Variants in ANKRD55 observed in about 807,000 individuals in gnomAD.
ANKRD55 encodes the protein ankyrin repeat domain-containing protein 55.
A neutral mutation model predicts 60.6 loss-of-function variants in ANKRD55; 41 were observed. The ratio of observed to expected loss-of-function variants is 0.68; its 90% confidence interval spans 0.53 to 0.88. ANKRD55 has a LOEUF of 0.88. ANKRD55 is among the 40% of genes least tolerant of loss of function. The probability of loss-of-function intolerance (pLI) is 0.00; values close to 1 mark genes in which losing one functional copy is unlikely to be tolerated. For synonymous variants in ANKRD55, 264 were observed against 290.3 expected, an observed-to-expected ratio of 0.91 and a Z score of 0.92; for missense variants, 732 against 767.6, an observed-to-expected ratio of 0.95 and a Z score of 0.55.
intron 10 of ANKRD55, 46 bp downstream of exon 10, chr5:56,111,072 C>A (rs766064759): frequency 1.3e-6 from 2 of 1,574,314 alleles, no homozygotes; most frequent in Non-Finnish European, 1.7e-6. Flanking sequence ...CGGGACATTT[C>A]CAGTATAGAG....
chr5:56,111,758 G>C lies in ANKRD55; in HGVS notation c.990C>G (p.Pro330=). Residue 330 remains proline, a synonymous_variant, in exon 10 of 12, where the codon CCC becomes CCG. Transcript: ENST00000341048. The part of the protein sequence containing the change: ...ESRTEPTRPP[P]SQSSRPQKKE... Reference sequence around the variant, plus strand: ...TCTTCTGGGGCCGACTGCTCTGGGAGGGAGGGGGTCGAGTAGGCTCTGTTC... The same window carrying C: ...TCTTCTGGGGCCGACTGCTCTGGGACGGAGGGGGTCGAGTAGGCTCTGTTC... 1 of 1,513,174 alleles carries C rather than the reference G, an allele frequency of 6.6e-7. No homozygotes were observed. The highest frequency in any genetic ancestry group is 8.8e-7 in the Non-Finnish European group (1 of 1,135,334). 93.7% of individuals were successfully genotyped at this position (1,513,174 alleles called of 1,614,324 possible). A position where few individuals can be genotyped will look rare whatever the true frequency, so the allele number is the denominator to read the frequency against.
chr5:56,162,382 G>T (rs1758353519), intron 5 of ANKRD55, among the ~76,000 whole-genome samples: 1 of 152,138 alleles, frequency 6.6e-6, no homozygotes, highest in African/African-American at 2.4e-5. Flanking sequence ...CCTTGCCCTT[G>T]GCTTCCTATC....
intron 5 of ANKRD55, among the ~76,000 whole-genome samples, chr5:56,164,709 C>T (rs563425000): frequency 2.0e-5 from 3 of 152,078 alleles, no homozygotes; most frequent in Non-Finnish European, 4.4e-5. Context: ...TTCACACCAG[C>T]GCCCTCTGAA....
intron 2 of ANKRD55, among the ~76,000 whole-genome samples, chr5:56,204,431 T>C (rs1283832171): frequency 6.6e-6 from 1 of 152,156 alleles, no homozygotes; most frequent in Non-Finnish European, 1.5e-5. Flanking sequence ...ATCGCCTAGG[T>C]TTTCTTCTAG....
At chr5:56,228,427 C>CT (rs112399991) in intron 2 of ANKRD55, among the ~76,000 whole-genome samples, 1,678 of 137,612 alleles carry the variant, frequency 0.012, 19 homozygotes, top group African/African-American at 0.034. Flanking sequence ...CCCCAGCTGA[C>CT]TTTTTTTTTT....
chr5:56,174,223 A>T (rs998818038), intron 4 of ANKRD55, among the ~76,000 whole-genome samples: 5 of 152,186 alleles, frequency 3.3e-5, no homozygotes, highest in African/African-American at 1.2e-4. Flanking sequence ...GGTGTCCATC[A>T]TTATTCACCG....
intron 2 of ANKRD55, among the ~76,000 whole-genome samples, chr5:56,201,596 C>T (rs377389848): frequency 6.5e-4 from 99 of 152,284 alleles, no homozygotes; most frequent in African/African-American, 2.1e-3. Flanking sequence ...TCTCTATGTC[C>T]GTTCTTCACT....
chr5:56,210,613 C>G (rs1428886075), intron 2 of ANKRD55, among the ~76,000 whole-genome samples: 1 of 145,758 alleles, frequency 6.9e-6, no homozygotes, highest in Admixed American at 6.8e-5. Context: ...AGTAAAGACA[C>G]TAACCCTTCA....
In ANKRD55 at chr5:56,103,615, A is replaced by T. The variant is rs116891942; in HGVS notation, c.1631-1029T>A. 2.9e-3 allele frequency among the ~76,000 whole-genome samples: 448 copies of T among 152,278 alleles called. 8 individuals are homozygous for T. The highest frequency in any genetic ancestry group is 0.019 in the Admixed American group (291 of 15,304). On this transcript the variant is annotated intron_variant, in intron 10 of 11. Coordinates refer to ENST00000341048, the MANE Select transcript of ANKRD55 (RefSeq NM_024669.3). ...TCTCAACACCTCAATTTTTTCATAT[A>T]CAAAATGGTGAAAATAATTGTATAT...
intron 2 of ANKRD55, 75 bp from the exon 3 acceptor site, chr5:56,183,709 A>C: frequency 6.4e-7 from 1 of 1,574,230 alleles, no homozygotes; most frequent in Non-Finnish European, 8.7e-7. Flanking sequence ...CCAAGTCGTC[A>C]CCCACACAAG....
intron 10 of ANKRD55, among the ~76,000 whole-genome samples, chr5:56,103,312 G>A (rs1454001705): frequency 6.6e-6 from 1 of 152,152 alleles, no homozygotes; most frequent in African/African-American, 2.4e-5. Flanking sequence ...AATCAGCCAT[G>A]GTGGGTGTAT....
At chr5:56,220,723 G>A (rs1023250503) in intron 2 of ANKRD55, among the ~76,000 whole-genome samples, 9 of 152,180 alleles carry the variant, frequency 5.9e-5, no homozygotes, top group Admixed American at 3.9e-4. Context: ...TGAGGCAGGA[G>A]AACTGCTTGA....
chr5:56,124,550 C>T (rs1021908475), intron 8 of ANKRD55, among the ~76,000 whole-genome samples: 8 of 152,002 alleles, frequency 5.3e-5, no homozygotes, highest in East Asian at 1.9e-4. Flanking sequence ...CTCTGTCATC[C>T]AGGCTGGAGT....
chr5:56,150,129 T>C lies in ANKRD55; in HGVS notation c.484-6200A>G, dbSNP rs1004202575. On this transcript the variant is annotated intron_variant, in intron 6 of 11. Transcript: ENST00000341048. The stretch of plus-strand genomic sequence containing the variant: ...TGCTAGGATTACAGGCGTGAGCCAC[T>C]GCGCCCGGCCTATTTTCACTAACTT... 3.5e-4 allele frequency among the ~76,000 whole-genome samples: 53 copies of C among 152,278 alleles called. 1 individual carries two copies. Among genetic ancestry groups the C allele is most frequent in the Non-Finnish European group, 1.0e-4 (7 of 68,016 alleles).
intron 2 of ANKRD55, chr5:56,193,428 T>C: frequency 3.6e-6 from 2 of 562,966 alleles, no homozygotes; most frequent in Non-Finnish European, 6.5e-6. Context: ...ATTATCCTCC[T>C]GTAGAGGGTC....
At chr5:56,169,724 G>A (rs942749478) in intron 5 of ANKRD55, among the ~76,000 whole-genome samples, 2 of 152,210 alleles carry the variant, frequency 1.3e-5, no homozygotes, top group African/African-American at 2.4e-5. Context: ...AACCCAGACA[G>A]GGCTTCAGGT....
intron 2 of ANKRD55, among the ~76,000 whole-genome samples, chr5:56,194,353 T>C (rs1236119426): frequency 6.6e-6 from 1 of 151,608 alleles, no homozygotes; most frequent in African/African-American, 2.4e-5. Context: ...TAAAGAAATA[T>C]TGTTGCTCAG....
At chr5:56,212,891 G>A (rs1021371429) in intron 2 of ANKRD55, among the ~76,000 whole-genome samples, 2 of 152,088 alleles carry the variant, frequency 1.3e-5, no homozygotes, top group African/African-American at 4.8e-5. Flanking sequence ...AATATAAAAC[G>A]AGATAGTTCT....
At chr5:56,155,178 G>A (rs781518713) in intron 6 of ANKRD55, among the ~76,000 whole-genome samples, 1 of 150,940 alleles carries the variant, frequency 6.6e-6, no homozygotes, top group African/African-American at 2.4e-5. Context: ...GGCTGTGATC[G>A]TGTCACTGCA....
Sources: gnomAD v4.1 joint callset for allele counts (sites outside exome capture counted in the v4.1 genomes callset) on GRCh38, gnomAD v4.1.1 for gene constraint, MANE v1.5 for transcripts, NCBI Gene and HGNC (gene_info 2026-07-23, HGNC 2026-07-21) for gene names.